RAB27A: variants seen among roughly 807,000 people sequenced by gnomAD.
The protein encoded by RAB27A is RAB27A, member RAS oncogene family.
RAB27A carries 17 observed loss-of-function variants against 20.8 expected under a neutral mutation model. The observed-to-expected ratio is 0.82, with a 90% CI of 0.56 to 1.23. RAB27A has a LOEUF of 1.23. RAB27A is among the 50% of genes most tolerant of loss of function. The pLI is 0.00. For synonymous variants in RAB27A, 85 were observed against 92.8 expected, an observed-to-expected ratio of 0.92 and a Z score of 0.48; for missense variants, 277 against 266.7, an observed-to-expected ratio of 1.04 and a Z score of -0.27.
intron 1 of RAB27A, among the ~76,000 whole-genome samples, chr15:55,277,366 G>C (rs1474636621): frequency 6.6e-6 from 1 of 152,130 alleles, no homozygotes; most frequent in Non-Finnish European, 1.5e-5. Context: ...AATTTGGCAG[G>C]GCACGATGGC....
At chr15:55,224,040 A>G (rs1446747121) in intron 5 of RAB27A, 28 bp from the exon 6 acceptor site, 1 of 1,488,662 alleles carries the variant, frequency 6.7e-7, no homozygotes, top group Non-Finnish European at 9.3e-7. Context: ...TTTATTATAT[A>G]TGTAAATAAT....
chr15:55,205,401 G>T lies in RAB27A; in HGVS notation c.*106C>A. On this transcript the variant is annotated 3_prime_UTR_variant, in exon 7 of 7. Coordinates refer to ENST00000336787, the MANE Select transcript of RAB27A (RefSeq NM_183235.3). ...GTAGGTCTAATGGGGATGGTGAGAA[G>T]CAATTTGTACACAATGCCCATTAAT... is the stretch of plus-strand genomic sequence containing the variant. 1 of 1,197,562 alleles carries T rather than the reference G, an allele frequency of 8.4e-7. No homozygotes were observed. The highest frequency in any genetic ancestry group is 1.2e-6 in the Non-Finnish European group (1 of 803,222). The allele number at this position is 1,197,562 out of a possible 1,614,324, so 74.2% of individuals were successfully genotyped here.
chr15:55,281,283 T>G (rs1225462075), intron 1 of RAB27A, among the ~76,000 whole-genome samples: 1 of 152,212 alleles, frequency 6.6e-6, no homozygotes, highest in African/African-American at 2.4e-5. Flanking sequence ...ATAAGTAGCC[T>G]TCTCCTTTTA....
rs79491905 is a variant in RAB27A at position 55,265,577 on chromosome 15, A to G, written c.-23+4588T>C. ...TATAAGCAAATAATTCTTGATGCCAATCCAAAACATGTAACTGAGTTTTGA... is the reference window on the plus strand; with the variant it reads ...TATAAGCAAATAATTCTTGATGCCAGTCCAAAACATGTAACTGAGTTTTGA... On this transcript the variant is annotated intron_variant, in intron 2 of 6. Coordinates refer to ENST00000336787, the MANE Select transcript of RAB27A (RefSeq NM_183235.3). 1.5e-3 allele frequency among the ~76,000 whole-genome samples: 226 copies of G among 152,264 alleles called. 1 individual carries two copies. The highest frequency in any genetic ancestry group is 5.2e-3 in the African/African-American group (216 of 41,542).
intron 2 of RAB27A, among the ~76,000 whole-genome samples, chr15:55,269,297 C>G (rs1048509602): frequency 1.3e-5 from 2 of 152,188 alleles, no homozygotes; most frequent in African/African-American, 4.8e-5. Context: ...CTCCGGCATA[C>G]TTCATTTCGT....
chr15:55,205,000 A>T lies in RAB27A; in HGVS notation c.*507T>A, dbSNP rs1894573640. 1 of 178,922 alleles carries T rather than the reference A, an allele frequency of 5.6e-6. No homozygotes were observed. Among genetic ancestry groups the T allele is most frequent in the Admixed American group, 5.5e-5 (1 of 18,188 alleles). 11.1% of individuals were successfully genotyped at this position (178,922 alleles called of 1,614,324 possible). A position where few individuals can be genotyped will look rare whatever the true frequency, so the allele number is the denominator to read the frequency against. On this transcript the variant is annotated 3_prime_UTR_variant, in exon 7 of 7. Coordinates refer to ENST00000336787, the MANE Select transcript of RAB27A (RefSeq NM_183235.3). ...TTACATAAAATTAATACTCAAAGACATTGAGCTGATGTGCATGTATATTCT... is the reference window on the plus strand; with the variant it reads ...TTACATAAAATTAATACTCAAAGACTTTGAGCTGATGTGCATGTATATTCT...
intron 2 of RAB27A, among the ~76,000 whole-genome samples, chr15:55,251,621 A>G (rs1163363847): frequency 2.0e-5 from 3 of 152,206 alleles, no homozygotes. Context: ...TGGTTTGAAG[A>G]ACACAATGAA....
At chr15:55,280,524 T>TATATATATAC (rs1203816537) in intron 1 of RAB27A, among the ~76,000 whole-genome samples, 1 of 149,220 alleles carries the variant, frequency 6.7e-6, no homozygotes, top group Non-Finnish European at 1.5e-5. Flanking sequence ...TATATATATA[T>TATATATATAC]ATACTTTAAG....
intron 2 of RAB27A, among the ~76,000 whole-genome samples, chr15:55,241,908 C>A (rs1194446576): frequency 6.6e-6 from 1 of 151,678 alleles, no homozygotes; most frequent in Admixed American, 6.6e-5. Flanking sequence ...TTTAAAAATA[C>A]TTTTTAAGTG....
chr15:55,260,026 A>G (rs1272444396), intron 2 of RAB27A: 3 of 152,228 alleles, frequency 2.0e-5, no homozygotes, highest in Non-Finnish European at 2.9e-5. Context: ...ACATAAATCT[A>G]TAGATCAAAT....
chr15:55,312,251 G>C (rs1053309092), intron 2 of RAB27A, among the ~76,000 whole-genome samples: 2 of 152,192 alleles, frequency 1.3e-5, no homozygotes, highest in Non-Finnish European at 2.9e-5. Context: ...AAACAACAGG[G>C]GTGGACGGCG....
rs111528309 is a variant in RAB27A, at chr15:55,249,623, T to C, written c.-22-14667A>G. On this transcript the variant is annotated intron_variant, in intron 2 of 6. Transcript: ENST00000336787. ...ATGTTCCACGATTATGTGAAAACAA[T>C]CTGTACACCCTGTTAGTTGGATGCA... Among the ~76,000 whole-genome samples, 540 of 152,296 alleles carry C rather than the reference T, an allele frequency of 3.5e-3. 5 individuals are homozygous for C. The highest frequency in any genetic ancestry group is 0.012 in the African/African-American group (510 of 41,562).
At chr15:55,236,557 C>T (rs1896265934) in intron 2 of RAB27A, among the ~76,000 whole-genome samples, 1 of 152,138 alleles carries the variant, frequency 6.6e-6, no homozygotes, top group Non-Finnish European at 1.5e-5. Flanking sequence ...AAGAAAAATT[C>T]ATTTATATCA....
chr15:55,300,235 C>T (rs1324455160), intron 2 of RAB27A, among the ~76,000 whole-genome samples: 1 of 152,072 alleles, frequency 6.6e-6, no homozygotes, highest in Non-Finnish European at 1.5e-5. Flanking sequence ...TCAAAAGATT[C>T]ATGAAAATTA....
chr15:55,286,419 G>A (rs1194719955), intron 1 of RAB27A, among the ~76,000 whole-genome samples: 1 of 152,038 alleles, frequency 6.6e-6, no homozygotes, highest in East Asian at 1.9e-4. Flanking sequence ...ATAAATACTC[G>A]AAAGAAAACA....
chr15:55,301,609 T>C (rs1034422390), intron 2 of RAB27A, among the ~76,000 whole-genome samples: 6 of 151,758 alleles, frequency 4.0e-5, no homozygotes, highest in African/African-American at 1.5e-4. Flanking sequence ...TGATCACCAC[T>C]ATCTACTTCC....
At chr15:55,239,911 T>C (rs901528583) in intron 2 of RAB27A, among the ~76,000 whole-genome samples, 4 of 152,108 alleles carry the variant, frequency 2.6e-5, no homozygotes, top group Admixed American at 6.6e-5. Context: ...TGCAGTCCAG[T>C]TAGTGAAAGC....
At chr15:55,206,742 T>A (rs28591259) in intron 6 of RAB27A, among the ~76,000 whole-genome samples, 40,545 of 151,900 alleles carry the variant, frequency 0.27, 6,993 homozygotes, top group African/African-American at 0.49. Context: ...CATACAACAG[T>A]CTTATCTTTT....
chr15:55,272,580 T>G (rs1014677286), intron 1 of RAB27A, among the ~76,000 whole-genome samples: 1 of 152,232 alleles, frequency 6.6e-6, no homozygotes, highest in Non-Finnish European at 1.5e-5. Flanking sequence ...AACAAAACCT[T>G]TTTTGGATGC....
Sources: gnomAD v4.1 joint callset for allele counts (sites outside exome capture counted in the v4.1 genomes callset) on GRCh38, gnomAD v4.1.1 for gene constraint, MANE v1.5 for transcripts, NCBI Gene and HGNC (gene_info 2026-07-23, HGNC 2026-07-21) for gene names.